NSMAF: variants seen among roughly 807,000 people sequenced by gnomAD.
The protein encoded by NSMAF is neutral sphingomyelinase activation associated factor, also known as protein FAN.
NSMAF carries 90 observed loss-of-function variants against 134.9 expected under a neutral mutation model. The ratio of observed to expected loss-of-function variants is 0.67; its 90% CI spans 0.56 to 0.79. The LOEUF (loss-of-function observed/expected upper bound fraction) is 0.79. Among genes scored for constraint, NSMAF ranks in the 30% least tolerant of loss-of-function variants. The probability of loss-of-function intolerance (pLI) is 0.00; values close to 1 mark genes in which losing one functional copy is unlikely to be tolerated. For missense variants in NSMAF, 1,010 were observed against 1,119.0 expected (o/e 0.90, Z 1.39); for synonymous variants, 358 against 389.6 (o/e 0.92, Z 0.96).
intron 24 of NSMAF, among the ~76,000 whole-genome samples, chr8:58,590,630 A>G (rs2129139452): frequency 6.6e-6 from 1 of 152,340 alleles, no homozygotes; most frequent in East Asian, 1.9e-4. Context: ...GTAGAATTCT[A>G]CTGGGTAGCT....
intron 12 of NSMAF, among the ~76,000 whole-genome samples, chr8:58,604,787 A>C (rs188768668): frequency 6.6e-6 from 1 of 152,234 alleles, no homozygotes; most frequent in East Asian, 1.9e-4. Flanking sequence ...TCTGTCACCC[A>C]GGCTGAATTG....
chr8:58,590,799 T>C (rs1806003848), intron 24 of NSMAF, 68 bp downstream of exon 24: 1 of 1,412,306 alleles, frequency 7.1e-7, no homozygotes, highest in East Asian at 2.5e-5. Context: ...TAAAGTATTA[T>C]TGTATGGGTG....
chr8:58,595,832 A>C, intron 21 of NSMAF, 173 bp from the exon 22 acceptor site: 2 of 543,326 alleles, frequency 3.7e-6, no homozygotes, highest in Middle Eastern at 4.7e-4. Flanking sequence ...TCAAGGAAAA[A>C]ATTGTATAGA....
At chr8:58,588,720 G>A (rs1389812750) in intron 26 of NSMAF, 33 of 1,531,736 alleles carry the variant, frequency 2.2e-5, no homozygotes, top group South Asian at 1.0e-4. Flanking sequence ...GCACGTGGCC[G>A]CGGCCCTTTT....
At chr8:58,647,237 C>T (rs1468130519) in intron 1 of NSMAF, among the ~76,000 whole-genome samples, 1 of 152,228 alleles carries the variant, frequency 6.6e-6, no homozygotes. Flanking sequence ...GCCACCTCTA[C>T]TCTCAATACC....
chr8:58,608,484 T>C (rs1585738839), intron 10 of NSMAF, among the ~76,000 whole-genome samples: 1 of 152,098 alleles, frequency 6.6e-6, no homozygotes, highest in South Asian at 2.1e-4. Context: ...AAGATGGGTG[T>C]GCAGAGGTCA....
Position 58,603,349 on chromosome 8 carries a change from C to T in NSMAF, c.906G>A (p.Met302Ile). The change falls in exon 13 of 31, where the codon ATG (methionine) becomes ATA (isoleucine). Residue 302 changes from methionine to isoleucine, a missense_variant. Met to Ile is a conservative substitution (Grantham distance 10, BLOSUM62 1). Transcript: ENST00000038176. ...AAAGGTGTCCACGCTGCCACTGCAG[C>T]ATGTAGCTCTCAGCAGTGTGCTCCG... ...HVAEHTAESYMLQWQRGHLSN... is the reference protein window; with the variant it reads ...HVAEHTAESYILQWQRGHLSN... The T allele has an allele frequency of 3.1e-6, 5 of 1,614,084 alleles. No homozygotes were observed. Among genetic ancestry groups the T allele is most frequent in the Non-Finnish European group, 4.2e-6 (5 of 1,180,034 alleles).
intron 9 of NSMAF, among the ~76,000 whole-genome samples, chr8:58,617,513 C>T (rs1408687800): frequency 6.6e-6 from 1 of 152,148 alleles, no homozygotes; most frequent in Non-Finnish European, 1.5e-5. Context: ...TATGAACAGA[C>T]ACTTATCAAA....
At chr8:58,585,317 G>GTT (rs571525208) in intron 30 of NSMAF, among the ~76,000 whole-genome samples, 29 of 144,362 alleles carry the variant, frequency 2.0e-4, no homozygotes, top group East Asian at 1.0e-3. Flanking sequence ...TTGTTTCTGG[G>GTT]TTTTTTTTTT....
At chr8:58,599,556 A>C in intron 18 of NSMAF, 193 bp from the exon 19 acceptor site, 2 of 866,746 alleles carry the variant, frequency 2.3e-6, no homozygotes, top group Non-Finnish European at 3.4e-6. Flanking sequence ...TTTCACATTA[A>C]GGTCTCTCAA....
intron 14 of NSMAF, among the ~76,000 whole-genome samples, chr8:58,601,802 G>T (rs866006916): frequency 6.6e-6 from 1 of 152,164 alleles, no homozygotes; most frequent in Admixed American, 6.5e-5. Flanking sequence ...TCTCTTATGC[G>T]ATTTACCACA....
chr8:58,611,457 C>T (rs1015169656), intron 9 of NSMAF, among the ~76,000 whole-genome samples: 3 of 152,022 alleles, frequency 2.0e-5, no homozygotes, highest in Admixed American at 1.3e-4. Flanking sequence ...CACTTGAGCC[C>T]GGGAGGATGG....
chr8:58,606,492 T>C (rs892204772), intron 11 of NSMAF, among the ~76,000 whole-genome samples: 5 of 152,294 alleles, frequency 3.3e-5, no homozygotes, highest in Admixed American at 3.3e-4. Flanking sequence ...CACCGCTCAC[T>C]GCAGCCTCAA....
chr8:58,609,852 A>T, intron 9 of NSMAF, 119 bp from the exon 10 acceptor site: 1 of 858,576 alleles, frequency 1.2e-6, no homozygotes, highest in South Asian at 1.8e-5. Flanking sequence ...TACATTTAAT[A>T]TAAGAAAAAT....
intron 6 of NSMAF, 113 bp from the exon 7 acceptor site, chr8:58,623,893 T>C (rs1806852000): frequency 1.3e-6 from 1 of 757,514 alleles, no homozygotes; most frequent in Non-Finnish European, 2.2e-6. Flanking sequence ...ATGTTTTACC[T>C]AGTGTAACTT....
intron 6 of NSMAF, among the ~76,000 whole-genome samples, chr8:58,627,822 T>A (rs1434050734): frequency 6.6e-6 from 1 of 152,262 alleles, no homozygotes; most frequent in South Asian, 2.1e-4. Flanking sequence ...GCAGTTCTTA[T>A]CAAGATACCA....
At chr8:58,600,621 CAAAA>C (rs35209612) in intron 16 of NSMAF, among the ~76,000 whole-genome samples, 113 of 44,680 alleles carry the variant, frequency 2.5e-3, no homozygotes, top group African/African-American at 9.4e-3. Flanking sequence ...GACTCTGTCT[CAAAA>C]AAAAAAAAAA....
intron 2 of NSMAF, among the ~76,000 whole-genome samples, chr8:58,637,908 T>C (rs189529432): frequency 1.3e-5 from 2 of 152,324 alleles, no homozygotes; most frequent in African/African-American, 4.8e-5. Context: ...TTAATACTGC[T>C]AAAATGTCCA....
At chr8:58,584,941 G>A (rs1012565343) in intron 30 of NSMAF, among the ~76,000 whole-genome samples, 1 of 152,176 alleles carries the variant, frequency 6.6e-6, no homozygotes, top group Non-Finnish European at 1.5e-5. Flanking sequence ...ACTTTTTAAG[G>A]TATACATTTA....
Sources: allele counts gnomAD v4.1 joint callset (sites outside exome capture counted in the v4.1 genomes callset), GRCh38; gene constraint gnomAD v4.1.1; transcripts MANE v1.5; gene names NCBI Gene and HGNC (gene_info 2026-07-23, HGNC 2026-07-21).